SDK1: variants seen among roughly 807,000 people sequenced by gnomAD.
The protein encoded by SDK1 is sidekick cell adhesion molecule 1, also known as protein sidekick-1.
Under a neutral mutation model 245.5 loss-of-function variants are expected in SDK1, and 157 were observed. The observed-to-expected ratio is 0.64, with a 90% CI of 0.56 to 0.73. SDK1 has a LOEUF of 0.73. Among genes scored for constraint, SDK1 ranks in the 30% least tolerant of loss-of-function variants. The pLI is 0.00. For missense variants in SDK1, 3,583 were observed against 3,002.3 expected, an observed-to-expected ratio of 1.19 and a Z score of -4.52; for synonymous variants, 1,647 against 1,278.5, an observed-to-expected ratio of 1.29 and a Z score of -6.15.
intron 5 of SDK1, among the ~76,000 whole-genome samples, chr7:3,937,889 G>A (rs1780215467): frequency 1.3e-5 from 2 of 152,028 alleles, no homozygotes; most frequent in South Asian, 4.2e-4. Context: ...CCAGACTGGA[G>A]TGCAGTGACG....
Position 4,065,589 on chromosome 7 carries a change from C to T in SDK1, c.2912-2249C>T, listed in dbSNP as rs564533408. Among the ~76,000 whole-genome samples the T allele has an allele frequency of 2.8e-4, 42 of 151,494 alleles. 1 individual carries two copies. The South Asian group carries it at 8.2e-3, about 30-fold the overall frequency. Reference sequence around the variant, plus strand: ...GGGAGGATGAGATGGTCTTGACAGCCATTCTATTTTACCATCTTCCACACT... The same window carrying T: ...GGGAGGATGAGATGGTCTTGACAGCTATTCTATTTTACCATCTTCCACACT... On this transcript the variant is annotated intron_variant, in intron 19 of 44. Coordinates refer to ENST00000404826, the MANE Select transcript of SDK1 (RefSeq NM_152744.4).
intron 1 of SDK1, among the ~76,000 whole-genome samples, chr7:3,442,776 C>G (rs1351053679): frequency 6.6e-6 from 1 of 152,080 alleles, no homozygotes; most frequent in Non-Finnish European, 1.5e-5. Flanking sequence ...TTTGTGTGTT[C>G]TTGTTGCCAG....
chr7:3,644,261 A>ATATG (rs1214615365), intron 4 of SDK1, among the ~76,000 whole-genome samples: 1 of 140,874 alleles, frequency 7.1e-6, no homozygotes, highest in African/African-American at 2.5e-5. Flanking sequence ...ATATATATAT[A>ATATG]TATATGCATG....
intron 4 of SDK1, among the ~76,000 whole-genome samples, chr7:3,645,307 G>A (rs568686531): frequency 6.6e-6 from 1 of 152,122 alleles, no homozygotes; most frequent in Non-Finnish European, 1.5e-5. Context: ...GGAAAATAAT[G>A]CAGTATACCA....
rs368050521 is a variant in SDK1 at position 4,265,271 on chromosome 7, G to A, written c.6529G>A (p.Glu2177Lys). ...CAGGTACGAGGCGGTGGCGGGCTCC[G>A]AGGCGGGCGCGCAGCTGCACCCGGT... ...PHRYEAVAGS[E>K]AGAQLHPVIT... is the part of the protein sequence containing the mutation. The change falls in exon 45 of 45, where the codon GAG (glutamate) becomes AAG (lysine). Residue 2177 changes from glutamate to lysine, a missense_variant. Coordinates refer to ENST00000404826, the MANE Select transcript of SDK1 (RefSeq NM_152744.4). 1.3e-5 allele frequency: 21 copies of A among 1,593,188 alleles called. No individual in the cohort carries two copies. Among genetic ancestry groups the A allele is most frequent in the African/African-American group, 6.7e-5 (5 of 74,614 alleles).
intron 24 of SDK1, 38 bp downstream of exon 24, chr7:4,113,477 G>A (rs780714804): frequency 6.2e-6 from 10 of 1,608,204 alleles, no homozygotes; most frequent in Middle Eastern, 3.3e-4. Flanking sequence ...AGGCACACGG[G>A]TCCTGAGTGA....
chr7:3,835,231 C>T (rs1473724739), intron 5 of SDK1, among the ~76,000 whole-genome samples: 1 of 152,172 alleles, frequency 6.6e-6, no homozygotes, highest in African/African-American at 2.4e-5. Context: ...CTTTGTCTGA[C>T]TTAGTAAGGT....
At chr7:4,040,356 G>C (rs1453019427) in intron 17 of SDK1, among the ~76,000 whole-genome samples, 1 of 152,088 alleles carries the variant, frequency 6.6e-6, no homozygotes, top group Non-Finnish European at 1.5e-5. Flanking sequence ...TTCAACCCGG[G>C]GGTCCGTGGC....
At chr7:4,061,279 G>T (rs1311516748) in intron 19 of SDK1, among the ~76,000 whole-genome samples, 1 of 152,092 alleles carries the variant, frequency 6.6e-6, no homozygotes, top group Non-Finnish European at 1.5e-5. Context: ...CATGAGCATG[G>T]AATGTTCTTC....
intron 1 of SDK1, among the ~76,000 whole-genome samples, chr7:3,401,756 A>G (rs1408225007): frequency 1.3e-5 from 2 of 152,146 alleles, no homozygotes; most frequent in Non-Finnish European, 2.9e-5. Context: ...TAGTATTAGA[A>G]TGTATGAATT....
rs543365021 is a variant in SDK1, at chr7:3,876,865, G to A, written c.847+55282G>A. The stretch of plus-strand genomic sequence containing the variant: ...CACAGCTCTATCAGACTTCACACAG[G>A]GGCCCCAAAATAATTTTTGTGTAAT... On this transcript the variant is annotated intron_variant, in intron 5 of 44. Transcript: ENST00000404826. Among the ~76,000 whole-genome samples the A allele has an allele frequency of 2.6e-5, 4 of 152,244 alleles. No individual in the cohort carries two copies. The South Asian group carries it at 8.3e-4, about 32-fold the overall frequency.
At chr7:3,781,713 C>G (rs189931489) in intron 4 of SDK1, among the ~76,000 whole-genome samples, 1 of 151,686 alleles carries the variant, frequency 6.6e-6, no homozygotes, top group African/African-American at 2.4e-5. Context: ...AGAAATTTGA[C>G]CAAAAATAGA....
chr7:3,993,815 C>G (rs1287379726), intron 14 of SDK1, among the ~76,000 whole-genome samples: 1 of 152,120 alleles, frequency 6.6e-6, no homozygotes, highest in African/African-American at 2.4e-5. Flanking sequence ...TGCACCTCCT[C>G]ACTTCTCACG....
chr7:3,325,699 A>G (rs1450330192), intron 1 of SDK1, among the ~76,000 whole-genome samples: 2 of 152,200 alleles, frequency 1.3e-5, no homozygotes, highest in East Asian at 1.9e-4. Flanking sequence ...ATGTAGCCTT[A>G]TATCTGTTAC....
intron 19 of SDK1, among the ~76,000 whole-genome samples, chr7:4,055,024 G>A (rs1392368952): frequency 6.6e-6 from 1 of 152,186 alleles, no homozygotes; most frequent in African/African-American, 2.4e-5. Flanking sequence ...ACTTTTGCAT[G>A]TAAGTTCATG....
chr7:3,616,213 A>G (rs1583230868), intron 1 of SDK1, among the ~76,000 whole-genome samples: 1 of 152,144 alleles, frequency 6.6e-6, no homozygotes, highest in South Asian at 2.1e-4. Context: ...GCTAATCATC[A>G]TCATCATCAT....
At chr7:3,679,391 C>G (rs565982788) in intron 4 of SDK1, among the ~76,000 whole-genome samples, 13 of 152,130 alleles carry the variant, frequency 8.5e-5, no homozygotes, top group African/African-American at 3.1e-4. Context: ...ATGGTGAAAC[C>G]CCGTCTCTAC....
At chr7:3,338,252 A>G in intron 1 of SDK1, 1 of 360,796 alleles carries the variant, frequency 2.8e-6, no homozygotes, top group Non-Finnish European at 5.2e-6. Flanking sequence ...GGAGACATCA[A>G]GGGAATGGGT....
intron 12 of SDK1, among the ~76,000 whole-genome samples, chr7:3,972,963 G>A (rs963461915): frequency 3.3e-5 from 5 of 152,182 alleles, no homozygotes; most frequent in African/African-American, 4.8e-5. Context: ...CTCGGAAAGA[G>A]CTCCTTCCTA....
Sources: allele counts gnomAD v4.1 joint callset (sites outside exome capture counted in the v4.1 genomes callset), GRCh38; gene constraint gnomAD v4.1.1; transcripts MANE v1.5; gene names NCBI Gene and HGNC (gene_info 2026-07-23, HGNC 2026-07-21).